The following NCOR2 variants were observed in gnomAD, a reference collection of about 807,000 sequenced individuals.
NCOR2 encodes the protein nuclear receptor corepressor 2.
In NCOR2, 81 loss-of-function variants were observed where a neutral mutation model predicts 262.9. The ratio of observed to expected loss-of-function variants is 0.31; its 90% CI spans 0.26 to 0.37. The LOEUF (loss-of-function observed/expected upper bound fraction) is 0.37, where lower values mean the gene tolerates loss of function less well. Ranked by LOEUF, NCOR2 falls within the 10% of genes least tolerant of loss-of-function variation. The probability of loss-of-function intolerance (pLI) is 1.00; values close to 1 mark genes in which losing one functional copy is unlikely to be tolerated. For synonymous variants in NCOR2, 1,659 were observed against 1,559.3 expected, an observed-to-expected ratio of 1.06 and a Z score of -1.51; for missense variants, 3,385 against 3,621.4, an observed-to-expected ratio of 0.93 and a Z score of 1.68.
At chr12:124,466,320 C>A (rs2046412971) in intron 4 of NCOR2, 34 bp from the exon 7 acceptor site, 1 of 1,583,614 alleles carries the variant, frequency 6.3e-7, no homozygotes, top group East Asian at 2.3e-5. Context: ...GGGATGAGCA[C>A]CCCAGCGGGC....
intron 16 of NCOR2, among the ~76,000 whole-genome samples, chr12:124,386,311 G>A (rs185892066): frequency 2.6e-4 from 40 of 151,578 alleles, no homozygotes; most frequent in African/African-American, 4.6e-4. Context: ...CCTGACACTC[G>A]CTCACAGCTG....
chr12:124,551,572 C>T (rs558392228), intron 1 of NCOR2, among the ~76,000 whole-genome samples: 6 of 152,334 alleles, frequency 3.9e-5, no homozygotes, highest in South Asian at 4.1e-4. Context: ...AAGGCTCGGC[C>T]GGCCTGGTCT....
At chr12:124,526,219 T>C (rs566396978) in intron 1 of NCOR2, among the ~76,000 whole-genome samples, 1 of 152,238 alleles carries the variant, frequency 6.6e-6, no homozygotes, top group South Asian at 2.1e-4. Flanking sequence ...ATGTGGGTCT[T>C]TCCTCAACTC....
At position 124,483,618 on chromosome 12, in the gene NCOR2, G is replaced by A. The variant is rs368362328; in HGVS notation, c.389C>T (p.Ala130Val). The change falls in exon 3 of 47, where the codon GCG becomes GTG. Residue 130 changes from alanine to valine, a missense_variant. By Grantham distance (64) the Ala-to-Val change is moderately conservative. Around this residue, in one of 5 missense-constraint regions of NCOR2, gnomAD observed 237 missense variants for 229.4 expected, o/e 1.03. Coordinates refer to ENST00000405201, the Ensembl canonical transcript of NCOR2. The surrounding 1 kb of genome is among the most constrained non-coding windows in gnomAD (Gnocchi z 6.3). ...TACCTTGGTGAGGTCTTCAGATCCC[G>A]CAGGCTGGCCCGTGGCCAGCAGGGG... 16 of 1,604,486 alleles carry A rather than the reference G, an allele frequency of 1.0e-5. No homozygotes were observed. Among genetic ancestry groups the A allele is most frequent in the Middle Eastern group, 1.7e-4 (1 of 6,000 alleles).
At chr12:124,444,737 G>C (rs1031536333) in intron 7 of NCOR2, among the ~76,000 whole-genome samples, 1 of 152,070 alleles carries the variant, frequency 6.6e-6, no homozygotes, top group Non-Finnish European at 1.5e-5. Flanking sequence ...AGAGACTGCG[G>C]GTTGGGGTGA....
chr12:124,346,662 C>A, exon 31 of NCOR2: 1 of 1,583,288 alleles, frequency 6.3e-7, no homozygotes, highest in Non-Finnish European at 8.6e-7. Context: ...GAGCGGCCCG[C>A]CTCCTTCACC....
intron 5 of NCOR2, among the ~76,000 whole-genome samples, chr12:124,464,803 G>A (rs2046340286): frequency 6.6e-6 from 1 of 152,152 alleles, no homozygotes; most frequent in Non-Finnish European, 1.5e-5. Context: ...AACGCTCCAG[G>A]GTCACAGAGC....
intron 7 of NCOR2, among the ~76,000 whole-genome samples, chr12:124,441,838 T>C (rs1432579606): frequency 5.9e-5 from 9 of 152,210 alleles, no homozygotes; most frequent in Admixed American, 5.9e-4. Flanking sequence ...GCAGCCCCCT[T>C]ACCTCTCTCT....
intron 15 of NCOR2, among the ~76,000 whole-genome samples, chr12:124,398,866 G>A (rs1291954014): frequency 6.6e-6 from 1 of 152,266 alleles, no homozygotes; most frequent in Non-Finnish European, 1.5e-5. Flanking sequence ...GGGGCTTCTG[G>A]TGTTACTGGG....
intron 3 of NCOR2, among the ~76,000 whole-genome samples, chr12:124,476,315 C>A (rs1050800287): frequency 2.6e-5 from 4 of 152,232 alleles, no homozygotes; most frequent in Non-Finnish European, 4.4e-5. Flanking sequence ...CAGCCCATGT[C>A]ATTTCTTGAG....
exon 47 of NCOR2, chr12:124,325,311 T>C (rs572920284): frequency 1.4e-5 from 12 of 835,964 alleles, no homozygotes; most frequent in Middle Eastern, 4.3e-4. Flanking sequence ...CCTTCCTTGG[T>C]TGGGGGAGTC....
intron 1 of NCOR2, among the ~76,000 whole-genome samples, chr12:124,558,895 A>T (rs1215163120): frequency 1.3e-5 from 2 of 152,162 alleles, no homozygotes; most frequent in Non-Finnish European, 2.9e-5. Flanking sequence ...CTCCGCGTGG[A>T]GCCTTTATTA....
At chr12:124,362,573 C>T (rs564716277) in intron 21 of NCOR2, among the ~76,000 whole-genome samples, 117 of 149,594 alleles carry the variant, frequency 7.8e-4, no homozygotes, top group African/African-American at 2.7e-3. Flanking sequence ...CAGGGGGAAC[C>T]CACCTCCCCA....
chr12:124,431,566 C>T (rs1053690105), intron 8 of NCOR2, among the ~76,000 whole-genome samples: 1 of 150,852 alleles, frequency 6.6e-6, no homozygotes, highest in African/African-American at 2.5e-5. Flanking sequence ...ACACAAGATA[C>T]ACAGAGAGAC....
chr12:124,362,276 G>T, exon 22 of NCOR2: 2 of 1,314,734 alleles, frequency 1.5e-6, no homozygotes, highest in Non-Finnish European at 9.7e-7. Context: ...TCCCGGGGGG[G>T]CTCATGGACT....
At chr12:124,373,901 T>TGCGCAGGGGACCCGGGCACG (rs1566413146) in intron 19 of NCOR2, among the ~76,000 whole-genome samples, 84 of 152,074 alleles carry the variant, frequency 5.5e-4, no homozygotes, top group African/African-American at 1.7e-3. Flanking sequence ...GGCCAGTGCG[T>TGCGCAGGGGACCCGGGCACG]GTGCAGGGGC....
chr12:124,327,531 C>CACTGGTCATATTT lies in NCOR2; in HGVS notation c.7048_7060dup (p.Trp2354Ter). The CACTGGTCATATTT allele has an allele frequency of 6.2e-7, 1 of 1,613,898 alleles. No individual in the cohort carries two copies. The highest frequency in any genetic ancestry group is 8.5e-7 in the Non-Finnish European group (1 of 1,180,010). Reference sequence around the variant, plus strand: ...GGCGCTGAGCGGCGGGGACTCTTCCCACTGGTCATATTTACCCATGAGTGC... The same window carrying CACTGGTCATATTT: ...GGCGCTGAGCGGCGGGGACTCTTCCCACTGGTCATATTTACTGGTCATATTTACCCATGAGTGC... On this transcript the variant is annotated stop_gained and frameshift_variant, in exon 45 of 47. Transcript: ENST00000405201. LOFTEE classifies it high-confidence loss of function.
At chr12:124,367,606 A>G (rs990199633) in intron 20 of NCOR2, among the ~76,000 whole-genome samples, 1 of 149,478 alleles carries the variant, frequency 6.7e-6, no homozygotes, top group African/African-American at 2.5e-5. Context: ...CCCACCCTCC[A>G]CTCTCCCTTC....
chr12:124,546,773 C>T (rs1474269290), intron 1 of NCOR2, among the ~76,000 whole-genome samples: 3 of 152,060 alleles, frequency 2.0e-5, no homozygotes, highest in Non-Finnish European at 2.9e-5. Flanking sequence ...TGCACCGTCG[C>T]GTCCTGTCCA....
Sources: allele counts gnomAD v4.1 joint callset (sites outside exome capture counted in the v4.1 genomes callset), GRCh38; gene constraint gnomAD v4.1.1; regional missense constraint gnomAD v4.1.1; non-coding constraint Gnocchi (gnomAD v3.1); transcripts MANE v1.5; gene names NCBI Gene and HGNC (gene_info 2026-07-23, HGNC 2026-07-21).